Variants in FAT3 observed in about 807,000 individuals in gnomAD.
FAT3 encodes FAT atypical cadherin 3.
Under a neutral mutation model 310.2 loss-of-function variants are expected in FAT3, and 95 were observed. The observed-to-expected ratio is 0.31, with a 90% CI of 0.26 to 0.36. The LOEUF (loss-of-function observed/expected upper bound fraction) is 0.36. Among genes scored for constraint, FAT3 ranks in the 10% least tolerant of loss-of-function variants. FAT3 has a pLI of 1.00. For synonymous variants in FAT3, 2,314 were observed against 2,192.9 expected, an observed-to-expected ratio of 1.06 and a Z score of -1.54; for missense variants, 5,408 against 5,715.6, an observed-to-expected ratio of 0.95 and a Z score of 1.74.
At chr11:92,657,408 T>C (rs1055684725) in intron 3 of FAT3, among the ~76,000 whole-genome samples, 3 of 152,248 alleles carry the variant, frequency 2.0e-5, no homozygotes, top group Admixed American at 6.5e-5. Context: ...GATTATTCTC[T>C]GCATTGTGGG....
intron 2 of FAT3, among the ~76,000 whole-genome samples, chr11:92,381,614 G>A (rs762593729): frequency 6.6e-6 from 1 of 151,880 alleles, no homozygotes; most frequent in Admixed American, 6.6e-5. Context: ...CCTTCCTTCC[G>A]AAACACCTTT....
At chr11:92,832,887 G>A (rs921052475) in intron 14 of FAT3, among the ~76,000 whole-genome samples, 6 of 152,070 alleles carry the variant, frequency 3.9e-5, no homozygotes, top group Non-Finnish European at 8.8e-5. Flanking sequence ...AGACTCCATC[G>A]GTGAGCTGGA....
At chr11:92,242,223 A>G (rs1262541515) in intron 1 of FAT3, among the ~76,000 whole-genome samples, 1 of 152,062 alleles carries the variant, frequency 6.6e-6, no homozygotes, top group Non-Finnish European at 1.5e-5. Context: ...AAAATTCTTT[A>G]AAGATGCTGC....
intron 4 of FAT3, among the ~76,000 whole-genome samples, chr11:92,705,470 G>GTGTGA (rs1944263436): frequency 1.0e-5 from 1 of 96,002 alleles, no homozygotes; most frequent in African/African-American, 3.9e-5. Flanking sequence ...GATGGTGGTG[G>GTGTGA]TGGTGTGATA....
chr11:92,722,468 T>G (rs1184508921), intron 4 of FAT3, among the ~76,000 whole-genome samples: 1 of 152,170 alleles, frequency 6.6e-6, no homozygotes, highest in Non-Finnish European at 1.5e-5. Flanking sequence ...TGGCATTGAG[T>G]ATCTGCAGCT....
chr11:92,584,800 A>T (rs920463675), intron 3 of FAT3, among the ~76,000 whole-genome samples: 1 of 152,058 alleles, frequency 6.6e-6, no homozygotes, highest in Non-Finnish European at 1.5e-5. Context: ...TTTTCTAAAC[A>T]TGCTGAAGAA....
At chr11:92,623,695 G>A (rs985325219) in intron 3 of FAT3, among the ~76,000 whole-genome samples, 14 of 152,164 alleles carry the variant, frequency 9.2e-5, no homozygotes, top group African/African-American at 3.1e-4. Context: ...TGTAATCCCA[G>A]CACTTTGGGA....
At chr11:92,383,761 C>T (rs935355889) in intron 2 of FAT3, among the ~76,000 whole-genome samples, 3 of 152,130 alleles carry the variant, frequency 2.0e-5, no homozygotes, top group African/African-American at 7.2e-5. Context: ...TGCTGACATC[C>T]AGATATGCCA....
At chr11:92,275,864 A>G (rs945521973) in intron 1 of FAT3, among the ~76,000 whole-genome samples, 2 of 152,050 alleles carry the variant, frequency 1.3e-5, no homozygotes, top group African/African-American at 4.8e-5. Flanking sequence ...TCCTAGGTTA[A>G]GAAATGAAGA....
At chr11:92,388,310 A>G (rs184015823) in intron 2 of FAT3, among the ~76,000 whole-genome samples, 1 of 152,210 alleles carries the variant, frequency 6.6e-6, no homozygotes, top group Admixed American at 6.5e-5. Flanking sequence ...TGGTCAGGTC[A>G]TTTTAAATAT....
chr11:92,686,622 T>G (rs575285902), intron 3 of FAT3, among the ~76,000 whole-genome samples: 5 of 152,042 alleles, frequency 3.3e-5, no homozygotes, highest in Admixed American at 3.3e-4. Context: ...AATATGTGGG[T>G]TTTTTTAAAA....
chr11:92,696,875 A>G (rs955932405), intron 3 of FAT3, among the ~76,000 whole-genome samples: 5 of 151,136 alleles, frequency 3.3e-5, no homozygotes, highest in African/African-American at 1.2e-4. Flanking sequence ...TTTTGTGTGT[A>G]AGTTATTAAA....
chr11:92,740,567 T>C (rs1945479947), intron 4 of FAT3, among the ~76,000 whole-genome samples: 1 of 152,038 alleles, frequency 6.6e-6, no homozygotes, highest in South Asian at 2.1e-4. Context: ...GGGAGTGGAG[T>C]GGAAGTTTTA....
chr11:92,453,538 G>A (rs1951417915), intron 2 of FAT3, among the ~76,000 whole-genome samples: 1 of 151,898 alleles, frequency 6.6e-6, no homozygotes, highest in Non-Finnish European at 1.5e-5. Flanking sequence ...GATCAAATGA[G>A]TCTAAGAATC....
chr11:92,364,501 A>G (rs1948963015), intron 2 of FAT3, among the ~76,000 whole-genome samples: 1 of 152,228 alleles, frequency 6.6e-6, no homozygotes, highest in Admixed American at 6.5e-5. Flanking sequence ...ATTGAAAGAT[A>G]CTTTTATTTA....
chr11:92,226,814 G>T (rs1244945512), intron 1 of FAT3, among the ~76,000 whole-genome samples: 1 of 152,168 alleles, frequency 6.6e-6, no homozygotes, highest in East Asian at 1.9e-4. Context: ...TCAGCTTCGG[G>T]TTTGGGCGAA....
chr11:92,664,322 G>A (rs974794786), intron 3 of FAT3, among the ~76,000 whole-genome samples: 1 of 152,158 alleles, frequency 6.6e-6, no homozygotes, highest in African/African-American at 2.4e-5. Flanking sequence ...TTCCACTAGG[G>A]TATGAGCTGC....
At chr11:92,291,160 A>G (rs536812161) in intron 1 of FAT3, among the ~76,000 whole-genome samples, 20 of 151,090 alleles carry the variant, frequency 1.3e-4, no homozygotes, top group African/African-American at 2.2e-4. Flanking sequence ...CCATTTTTCA[A>G]TTGAGGACTC....
intron 2 of FAT3, among the ~76,000 whole-genome samples, chr11:92,435,249 C>A (rs1400925817): frequency 6.6e-6 from 1 of 152,132 alleles, no homozygotes; most frequent in Admixed American, 6.5e-5. Flanking sequence ...AACTCACATT[C>A]AGGGATGTCT....
Sources: allele counts gnomAD v4.1 joint callset (sites outside exome capture counted in the v4.1 genomes callset), GRCh38; gene constraint gnomAD v4.1.1; transcripts MANE v1.5; gene names NCBI Gene and HGNC (gene_info 2026-07-23, HGNC 2026-07-21).